SLC8A1: variants seen among roughly 807,000 people sequenced by gnomAD.
SLC8A1 encodes the protein sodium/calcium exchanger 1.
In SLC8A1, 18 loss-of-function variants were observed where a neutral mutation model predicts 68.3. The observed-to-expected ratio is 0.26, with a 90% CI of 0.18 to 0.39. The LOEUF (loss-of-function observed/expected upper bound fraction) is 0.39, where lower values mean the gene tolerates loss of function less well. Ranked by LOEUF, SLC8A1 falls within the 10% of genes least tolerant of loss-of-function variation. The pLI is 1.00. For missense variants in SLC8A1, 985 were observed against 1,156.7 expected, an observed-to-expected ratio of 0.85 and a Z score of 2.15; for synonymous variants, 475 against 415.5, an observed-to-expected ratio of 1.14 and a Z score of -1.74.
chr2:40,366,780 T>C (rs973249202), intron 2 of SLC8A1, among the ~76,000 whole-genome samples: 2 of 151,700 alleles, frequency 1.3e-5, no homozygotes, highest in African/African-American at 2.4e-5. Context: ...CTTTTTTTTT[T>C]CACAAATGCC....
chr2:40,479,840 G>C (rs1272334381), intron 1 of SLC8A1, among the ~76,000 whole-genome samples: 1 of 152,142 alleles, frequency 6.6e-6, no homozygotes, highest in Non-Finnish European at 1.5e-5. Flanking sequence ...TGCATTGTTT[G>C]TCCCTTCATA....
At chr2:40,244,281 T>TAACA (rs1189427230) in intron 2 of SLC8A1, among the ~76,000 whole-genome samples, 1 of 152,168 alleles carries the variant, frequency 6.6e-6, no homozygotes, top group Non-Finnish European at 1.5e-5. Flanking sequence ...ACCCACAGGC[T>TAACA]AACAGCCATC....
intron 2 of SLC8A1, among the ~76,000 whole-genome samples, chr2:40,385,227 A>G (rs1200488561): frequency 6.6e-6 from 1 of 152,036 alleles, no homozygotes; most frequent in Non-Finnish European, 1.5e-5. Context: ...AATAGGAATA[A>G]TCCTAGTCTC....
At chr2:40,472,514 A>G (rs954738866) in intron 1 of SLC8A1, among the ~76,000 whole-genome samples, 3 of 152,162 alleles carry the variant, frequency 2.0e-5, no homozygotes, top group Admixed American at 6.5e-5. Flanking sequence ...GTTTCAACCA[A>G]TGTAAGATCT....
chr2:40,200,221 T>TATATATATATAAATATATATATATA (rs1558722315), intron 2 of SLC8A1, among the ~76,000 whole-genome samples: 2 of 1,908 alleles, frequency 1.0e-3, no homozygotes, highest in African/African-American at 2.3e-3. Context: ...TATATATATT[T>TATATATATATAAATATATATATATA]TTTTATATAT....
chr2:40,354,698 G>GT (rs1672159328), intron 2 of SLC8A1, among the ~76,000 whole-genome samples: 3 of 152,106 alleles, frequency 2.0e-5, no homozygotes, highest in African/African-American at 7.2e-5. Flanking sequence ...TATTCAGAGT[G>GT]TTTTAAGTTG....
intron 1 of SLC8A1, among the ~76,000 whole-genome samples, chr2:40,510,604 T>A (rs890101401): frequency 3.9e-5 from 6 of 152,170 alleles, no homozygotes; most frequent in African/African-American, 1.2e-4. Context: ...ATTAAGTATT[T>A]TAAAGCCATC....
At chr2:40,491,616 T>C (rs1576660484) in intron 1 of SLC8A1, among the ~76,000 whole-genome samples, 1 of 152,122 alleles carries the variant, frequency 6.6e-6, no homozygotes. Flanking sequence ...ATATTGGCTG[T>C]GGGTTTGCAA....
chr2:40,115,111 C>T (rs1446259303), exon 8 of SLC8A1: 11 of 561,586 alleles, frequency 2.0e-5, no homozygotes, highest in South Asian at 6.1e-5. Flanking sequence ...TTTACTTCGG[C>T]CCTAGTACAG....
intron 4 of SLC8A1, 130 bp downstream of exon 7, chr2:40,170,151 C>A: frequency 1.3e-6 from 1 of 795,558 alleles, no homozygotes; most frequent in Non-Finnish European, 2.0e-6. Flanking sequence ...CCACTGGCTG[C>A]CAGAGAAGCT....
At chr2:40,267,491 T>C (rs2065492324) in intron 2 of SLC8A1, among the ~76,000 whole-genome samples, 1 of 152,226 alleles carries the variant, frequency 6.6e-6, no homozygotes, top group African/African-American at 2.4e-5. Flanking sequence ...GGAAAGATGC[T>C]AATTACTCAA....
rs541068431 is a variant in SLC8A1 at position 40,234,483 on chromosome 2, C to A, written c.1809-56628G>T. On this transcript the variant is annotated intron_variant, in intron 2 of 7. Coordinates refer to ENST00000406785, the Ensembl canonical transcript of SLC8A1. ...AGACTTTGCTGAAGTTGCTTATCAGCTTAAGGAGATTTTGGGCTGAGACAA... is the reference window on the plus strand; with the variant it reads ...AGACTTTGCTGAAGTTGCTTATCAGATTAAGGAGATTTTGGGCTGAGACAA... Among the ~76,000 whole-genome samples, 622 of 152,192 alleles carry A rather than the reference C, an allele frequency of 4.1e-3. 6 individuals are homozygous for A. Among genetic ancestry groups the A allele is most frequent in the African/African-American group, 0.014 (579 of 41,476 alleles).
At chr2:40,323,162 A>C (rs1021217360) in intron 2 of SLC8A1, among the ~76,000 whole-genome samples, 2 of 152,168 alleles carry the variant, frequency 1.3e-5, no homozygotes, top group African/African-American at 4.8e-5. Flanking sequence ...TCGAGCTTCC[A>C]GTGTCTTTAT....
At chr2:40,438,657 C>T (rs1225097555) in intron 1 of SLC8A1, among the ~76,000 whole-genome samples, 3 of 152,132 alleles carry the variant, frequency 2.0e-5, no homozygotes, top group Non-Finnish European at 4.4e-5. Flanking sequence ...TGTGACAGCA[C>T]ATTCTAAAAG....
chr2:40,495,674 G>A (rs556322884), intron 1 of SLC8A1, among the ~76,000 whole-genome samples: 12 of 152,082 alleles, frequency 7.9e-5, no homozygotes, highest in Non-Finnish European at 1.5e-4. Flanking sequence ...TCATTCCAGT[G>A]GTTATAAAGC....
At chr2:40,240,962 C>G (rs2061141886) in intron 2 of SLC8A1, among the ~76,000 whole-genome samples, 1 of 152,134 alleles carries the variant, frequency 6.6e-6, no homozygotes, top group Non-Finnish European at 1.5e-5. Flanking sequence ...GAACTTAAAA[C>G]AGAGGTACTA....
At chr2:40,310,533 T>TG (rs2073481619) in intron 2 of SLC8A1, among the ~76,000 whole-genome samples, 1 of 152,192 alleles carries the variant, frequency 6.6e-6, no homozygotes, top group Non-Finnish European at 1.5e-5. Flanking sequence ...TCTGTAGTAC[T>TG]CGGGTCTGTA....
chr2:40,500,332 C>T (rs1345449441), intron 1 of SLC8A1, among the ~76,000 whole-genome samples: 1 of 152,000 alleles, frequency 6.6e-6, no homozygotes, highest in Admixed American at 6.6e-5. Context: ...TTTCTTAAAA[C>T]AATGAAATCC....
At position 40,385,693 on chromosome 2, in the gene SLC8A1, G is replaced by C. The variant is rs975826985; in HGVS notation, c.1808+42780C>G. 2.0e-5 allele frequency among the ~76,000 whole-genome samples: 3 copies of C among 151,314 alleles called. No homozygotes were observed. The East Asian group carries it at 5.8e-4, about 29-fold the overall frequency. ...CAAATGTCTTTCTGGAGAGCAGTTT[G>C]CTAAAGTGTACTAAAAAAAGTTTTA... On this transcript the variant is annotated intron_variant, in intron 2 of 7. Coordinates refer to ENST00000406785, the Ensembl canonical transcript of SLC8A1.
Sources: allele counts gnomAD v4.1 joint callset (sites outside exome capture counted in the v4.1 genomes callset), GRCh38; gene constraint gnomAD v4.1.1; transcripts MANE v1.5; gene names NCBI Gene and HGNC (gene_info 2026-07-23, HGNC 2026-07-21).